Variants in PHF21B observed in about 807,000 individuals in gnomAD.
PHF21B encodes PHD finger protein 21B, also known as PHD finger protein 4.
PHF21B carries 22 observed loss-of-function variants against 62.2 expected under a neutral mutation model. The ratio of observed to expected loss-of-function variants is 0.35; its 90% CI spans 0.25 to 0.51. The LOEUF is 0.51. Among genes scored for constraint, PHF21B ranks in the 20% least tolerant of loss-of-function variants. The pLI is 0.97. For synonymous variants in PHF21B, 341 were observed against 314.7 expected (o/e 1.08, Z -0.88); for missense variants, 701 against 707.9 (o/e 0.99, Z 0.11).
At chr22:44,912,148 C>T (rs995439553) in intron 5 of PHF21B, among the ~76,000 whole-genome samples, 2 of 152,180 alleles carry the variant, frequency 1.3e-5, no homozygotes, top group African/African-American at 4.8e-5. Flanking sequence ...ATGCCTGTAC[C>T]CTCATTGTAT....
chr22:44,977,623 G>C (rs1340167696), intron 2 of PHF21B, among the ~76,000 whole-genome samples: 2 of 151,712 alleles, frequency 1.3e-5, no homozygotes, highest in African/African-American at 4.8e-5. Context: ...CTGTCACCCA[G>C]GCTGGAGTGC....
intron 2 of PHF21B, among the ~76,000 whole-genome samples, chr22:44,945,570 C>T (rs1402005542): frequency 1.3e-5 from 2 of 152,160 alleles, no homozygotes; most frequent in Non-Finnish European, 1.5e-5. Flanking sequence ...CAAATCCCCA[C>T]ACTGCTCAGA....
intron 2 of PHF21B, among the ~76,000 whole-genome samples, chr22:44,921,690 G>T (rs190461681): frequency 6.9e-6 from 1 of 145,340 alleles, no homozygotes; most frequent in South Asian, 2.2e-4. Context: ...ATGGAGACTC[G>T]CTCTGTTGCC....
At chr22:44,987,703 T>G (rs2072975712) in intron 2 of PHF21B, among the ~76,000 whole-genome samples, 2 of 151,896 alleles carry the variant, frequency 1.3e-5, no homozygotes, top group African/African-American at 4.8e-5. Context: ...AGGAACCTCT[T>G]GAGGGCAGGC....
rs111560240 is a variant in PHF21B at position 44,933,734 on chromosome 22, G to C, written c.121-13244C>G. Among the ~76,000 whole-genome samples the C allele has an allele frequency of 6.3e-3, 934 of 147,518 alleles. 8 individuals carry two copies. The highest frequency in any genetic ancestry group is 0.037 in the East Asian group (186 of 5,034). ...TGCAGATAAGAGAGAGAGAGAGAGA[G>C]AGACAGACAGACAGACAGAGAGACA... On this transcript the variant is annotated intron_variant, in intron 2 of 12. Transcript: ENST00000313237.
intron 2 of PHF21B, among the ~76,000 whole-genome samples, chr22:44,934,589 C>T (rs1414400223): frequency 6.6e-6 from 1 of 152,148 alleles, no homozygotes; most frequent in African/African-American, 2.4e-5. Flanking sequence ...ACAGACCACA[C>T]CCATCAAGCT....
chr22:44,928,388 C>A (rs963807815), intron 2 of PHF21B, among the ~76,000 whole-genome samples: 3 of 152,162 alleles, frequency 2.0e-5, no homozygotes, highest in Non-Finnish European at 4.4e-5. Flanking sequence ...TTAGAACAGC[C>A]CCACAGCACC....
chr22:45,009,473 G>C lies in PHF21B; in HGVS notation c.54+23C>G. ...ACCCCGCAACACACTCCCCGGCCCC[G>C]GGCCCGGCCCCCGGCCACCTACCTG... On this transcript the variant is annotated intron_variant, in intron 1 of 12. Coordinates refer to ENST00000313237, the MANE Select transcript of PHF21B (RefSeq NM_138415.5). The surrounding 1 kb of genome is among the most constrained non-coding windows in gnomAD (Gnocchi z 5.9). 2 of 1,528,590 alleles carry C rather than the reference G, an allele frequency of 1.3e-6. No individual in the cohort carries two copies. Among genetic ancestry groups the C allele is most frequent in the Non-Finnish European group, 1.7e-6 (2 of 1,144,332 alleles). The allele number at this position is 1,528,590 out of a possible 1,614,324, so 94.7% of individuals were successfully genotyped here.
chr22:44,906,125 T>C (rs1273562994), intron 5 of PHF21B, among the ~76,000 whole-genome samples: 2 of 152,178 alleles, frequency 1.3e-5, no homozygotes, highest in Non-Finnish European at 2.9e-5. Flanking sequence ...TGTGGGTCCC[T>C]GGCTGCCGTG....
At chr22:44,959,579 G>T (rs2072375998) in intron 2 of PHF21B, among the ~76,000 whole-genome samples, 1 of 152,218 alleles carries the variant, frequency 6.6e-6, no homozygotes, top group East Asian at 1.9e-4. Context: ...TCCTACCACG[G>T]AGAGGAAGCC....
At chr22:44,966,179 C>T (rs924096335) in intron 2 of PHF21B, among the ~76,000 whole-genome samples, 2 of 152,232 alleles carry the variant, frequency 1.3e-5, no homozygotes, top group Admixed American at 6.5e-5. Context: ...GCCTGGGCCT[C>T]CTAGACAGGC....
intron 2 of PHF21B, chr22:44,989,466 A>G (rs2073007407): frequency 6.6e-6 from 1 of 152,202 alleles, no homozygotes; most frequent in African/African-American, 2.4e-5. Context: ...AGATGCTGCT[A>G]CACAAATGTT....
At chr22:44,978,413 G>A (rs916684059) in intron 2 of PHF21B, among the ~76,000 whole-genome samples, 1 of 152,204 alleles carries the variant, frequency 6.6e-6, no homozygotes, top group Non-Finnish European at 1.5e-5. Flanking sequence ...AGGCTGGAGT[G>A]CAGTGGCGCG....
chr22:44,964,209 T>C (rs2072479539), intron 2 of PHF21B, among the ~76,000 whole-genome samples: 1 of 152,184 alleles, frequency 6.6e-6, no homozygotes, highest in Non-Finnish European at 1.5e-5. Flanking sequence ...TTAATATTAA[T>C]ATTCACCGAG....
At chr22:44,945,461 G>C (rs1157510675) in intron 2 of PHF21B, among the ~76,000 whole-genome samples, 1 of 152,168 alleles carries the variant, frequency 6.6e-6, no homozygotes, top group Non-Finnish European at 1.5e-5. Context: ...GGGGTTTTGT[G>C]CTTTCTGCAG....
intron 5 of PHF21B, among the ~76,000 whole-genome samples, chr22:44,908,782 C>A (rs149980680): frequency 1.6e-4 from 24 of 152,126 alleles, no homozygotes; most frequent in African/African-American, 5.1e-4. Flanking sequence ...CACAGCTCTT[C>A]TTGGTATGCA....
rs1262979377 is a variant in PHF21B at position 45,009,648 on chromosome 22, C to T, written c.-99G>A. 3 of 1,262,460 alleles carry T rather than the reference C, an allele frequency of 2.4e-6. No homozygotes were observed. The highest frequency in any genetic ancestry group is 3.1e-6 in the Non-Finnish European group (3 of 958,760). 78.2% of individuals were successfully genotyped at this position (1,262,460 alleles called of 1,614,324 possible). Reference sequence around the variant, plus strand: ...CAGAGCGGGCGCGGGCGGACGCGGCCTCCGGGCTGGGTTGGGGGGGACACG... The same window carrying T: ...CAGAGCGGGCGCGGGCGGACGCGGCTTCCGGGCTGGGTTGGGGGGGACACG... On this transcript the variant is annotated 5_prime_UTR_variant, in exon 1 of 13. Transcript: ENST00000313237. This position sits in a 1 kb window ranked among gnomAD's most constrained non-coding sequence, Gnocchi z 5.9.
Position 44,893,519 on chromosome 22 carries a change from G to T in PHF21B, c.898C>A (p.Arg300=). 2 of 1,601,820 alleles carry T rather than the reference G, an allele frequency of 1.2e-6. No individual in the cohort carries two copies. Among genetic ancestry groups the T allele is most frequent in the Non-Finnish European group, 1.7e-6 (2 of 1,174,332 alleles). The part of the protein sequence containing the change: ...TEHLEEIQSK[R]QERKRRSTAN... ...GTGCTTCTTCTCTTCCGCTCCTGTC[G>T]CTTGCTCTGGATTTCTGGAAAGGCA... Residue 300 remains arginine, a synonymous_variant, in exon 7 of 13, where the codon CGA becomes AGA. Transcript: ENST00000313237.
At chr22:44,909,287 C>A (rs2071304886) in intron 5 of PHF21B, among the ~76,000 whole-genome samples, 1 of 152,186 alleles carries the variant, frequency 6.6e-6, no homozygotes, top group Admixed American at 6.5e-5. Context: ...CAAAGAGAAT[C>A]CACCCAGAAT....
Sources: gnomAD v4.1 joint callset for allele counts (sites outside exome capture counted in the v4.1 genomes callset) on GRCh38, gnomAD v4.1.1 for gene constraint, Gnocchi (gnomAD v3.1) non-coding constraint, MANE v1.5 for transcripts, NCBI Gene and HGNC (gene_info 2026-07-23, HGNC 2026-07-21) for gene names.